AGMO: variants seen among roughly 807,000 people sequenced by gnomAD.
The protein encoded by AGMO is alkylglycerol monooxygenase.
In AGMO, 75 loss-of-function variants were observed where a neutral mutation model predicts 60.2. The observed-to-expected ratio is 1.25, with a 90% CI of 1.03 to 1.51. AGMO has a LOEUF of 1.51. Among genes scored for constraint, AGMO ranks in the 40% most tolerant of loss-of-function variants. The pLI, the probability that AGMO is intolerant of heterozygous loss-of-function variation, is 0.00. For synonymous variants in AGMO, 261 were observed against 177.1 expected (o/e 1.47, Z -3.76); for missense variants, 763 against 525.5 (o/e 1.45, Z -4.42).
At chr7:15,365,641 A>T (rs1265711084) in intron 11 of AGMO, 22 bp from the exon 12 acceptor site, 1 of 1,523,932 alleles carries the variant, frequency 6.6e-7, no homozygotes. Context: ...TGTCATTAAC[A>T]TGCATTAGCT....
Position 15,561,702 on chromosome 7 carries a change from C to T in AGMO, c.126+18G>A. The T allele has an allele frequency of 6.3e-7, 1 of 1,592,388 alleles. No homozygotes were observed. The highest frequency in any genetic ancestry group is 8.6e-7 in the Non-Finnish European group (1 of 1,167,626). On this transcript the variant is annotated intron_variant, in intron 1 of 12. Transcript: ENST00000342526. ...AAAGCAGCAAGAATAAGAGTAGCCT[C>T]TTCCAATAAAGTCTCACCTTTTTTA... is the stretch of plus-strand genomic sequence containing the variant.
chr7:15,122,938 C>T, the AGMO span, among the ~76,000 whole-genome samples: 1 of 152,008 alleles, frequency 6.6e-6, no homozygotes, highest in African/African-American at 2.4e-5. Flanking sequence ...GAGTAAAAAA[C>T]AAAGTCCTCA....
At chr7:15,278,650 G>A (rs1459382468) in intron 12 of AGMO, among the ~76,000 whole-genome samples, 1 of 152,164 alleles carries the variant, frequency 6.6e-6, no homozygotes, top group East Asian at 1.9e-4. Flanking sequence ...GTAATACACA[G>A]CCTGCTTGCA....
chr7:15,342,838 T>C (rs1382420541), intron 12 of AGMO, among the ~76,000 whole-genome samples: 1 of 142,264 alleles, frequency 7.0e-6, no homozygotes, highest in Non-Finnish European at 1.5e-5. Context: ...AACTTATGAC[T>C]ATATGACATT....
At chr7:15,348,260 T>C (rs1782105975) in intron 12 of AGMO, among the ~76,000 whole-genome samples, 1 of 152,082 alleles carries the variant, frequency 6.6e-6, no homozygotes, top group East Asian at 1.9e-4. Flanking sequence ...CTGTATCCTC[T>C]GTCTTGGGAG....
rs115024140 is a variant in AGMO, at chr7:15,296,776, C to T, written c.1263+68738G>A. Reference sequence around the variant, plus strand: ...TATTTCACTTTTCCAAATTAGGAAACTGGTGTTCAGGAAGACCAAATAACT... The same window carrying T: ...TATTTCACTTTTCCAAATTAGGAAATTGGTGTTCAGGAAGACCAAATAACT... On this transcript the variant is annotated intron_variant, in intron 12 of 12. Coordinates refer to ENST00000342526, the MANE Select transcript of AGMO (RefSeq NM_001004320.2). 2.3e-3 allele frequency among the ~76,000 whole-genome samples: 351 copies of T among 152,234 alleles called. 1 individual carries two copies. The highest frequency in any genetic ancestry group is 7.7e-3 in the African/African-American group (320 of 41,550).
intron 3 of AGMO, among the ~76,000 whole-genome samples, chr7:15,543,343 C>T (rs1029497365): frequency 2.0e-5 from 3 of 152,176 alleles, no homozygotes; most frequent in African/African-American, 4.8e-5. Context: ...AGATTTGTTC[C>T]TCATTCTTCC....
At chr7:15,343,408 G>A (rs780556771) in intron 12 of AGMO, among the ~76,000 whole-genome samples, 6 of 152,170 alleles carry the variant, frequency 3.9e-5, no homozygotes, top group Middle Eastern at 3.4e-3. Flanking sequence ...TAAGTGATAC[G>A]AAATATAAGG....
At chr7:15,251,541 G>C (rs1384424806) in intron 12 of AGMO, among the ~76,000 whole-genome samples, 1 of 152,188 alleles carries the variant, frequency 6.6e-6, no homozygotes, top group Non-Finnish European at 1.5e-5. Flanking sequence ...CTCTGTCCTT[G>C]TGAAGTTAAT....
At chr7:15,557,332 T>C (rs375090747) in intron 2 of AGMO, among the ~76,000 whole-genome samples, 1 of 152,174 alleles carries the variant, frequency 6.6e-6, no homozygotes, top group South Asian at 2.1e-4. Context: ...TGTCTTGCAA[T>C]CACCTATTTG....
chr7:15,304,516 A>G (rs1238766673), intron 12 of AGMO, among the ~76,000 whole-genome samples: 1 of 152,110 alleles, frequency 6.6e-6, no homozygotes, highest in Non-Finnish European at 1.5e-5. Context: ...TTGTTACATC[A>G]GTTTTATTAC....
At chr7:15,245,138 TAG>T (rs1782703608) in intron 12 of AGMO, among the ~76,000 whole-genome samples, 1 of 152,230 alleles carries the variant, frequency 6.6e-6, no homozygotes, top group Non-Finnish European at 1.5e-5. Context: ...TCCAGTACCC[TAG>T]TAGATTAGGG....
chr7:15,354,325 CGTACGCGTGTATAT>C (rs1782374338), intron 12 of AGMO, among the ~76,000 whole-genome samples: 2 of 22,732 alleles, frequency 8.8e-5, no homozygotes, highest in East Asian at 1.6e-3. Flanking sequence ...CGTGTATATA[CGTACGCGTGTATAT>C]ACACGCGTGT....
At chr7:15,536,698 T>G (rs1219028982) in intron 3 of AGMO, among the ~76,000 whole-genome samples, 1 of 152,030 alleles carries the variant, frequency 6.6e-6, no homozygotes, top group East Asian at 1.9e-4. Flanking sequence ...CATAAGTAAA[T>G]GTATTAATTC....
intron 12 of AGMO, among the ~76,000 whole-genome samples, chr7:15,275,644 T>A (rs1334769241): frequency 6.6e-6 from 1 of 152,174 alleles, no homozygotes; most frequent in Non-Finnish European, 1.5e-5. Context: ...AGTGGGGTGT[T>A]AAGGTCCCCA....
chr7:15,475,777 A>G (rs1562526502), intron 3 of AGMO, among the ~76,000 whole-genome samples: 1 of 152,098 alleles, frequency 6.6e-6, no homozygotes, highest in Admixed American at 6.6e-5. Flanking sequence ...TTAAAATGCA[A>G]CTGAACTAGA....
chr7:15,395,785 C>T (rs1784350437), intron 5 of AGMO, among the ~76,000 whole-genome samples: 1 of 152,122 alleles, frequency 6.6e-6, no homozygotes, highest in Admixed American at 6.5e-5. Context: ...TAATAAATTG[C>T]CTAAGTCTCA....
At chr7:15,371,039 T>G (rs1783189328) in intron 10 of AGMO, among the ~76,000 whole-genome samples, 1 of 152,110 alleles carries the variant, frequency 6.6e-6, no homozygotes. Context: ...CAGTAAGTGG[T>G]AGAGGGATAG....
chr7:15,272,977 G>A (rs1451321037), intron 12 of AGMO, among the ~76,000 whole-genome samples: 2 of 151,848 alleles, frequency 1.3e-5, no homozygotes, highest in East Asian at 1.9e-4. Context: ...ACTTTTTGAT[G>A]GGTTGTTTTT....
Sources: gnomAD v4.1 joint callset for allele counts (sites outside exome capture counted in the v4.1 genomes callset) on GRCh38, gnomAD v4.1.1 for gene constraint, MANE v1.5 for transcripts, NCBI Gene and HGNC (gene_info 2026-07-23, HGNC 2026-07-21) for gene names.